Variants in CCDC191 observed in about 807,000 individuals in gnomAD.
CCDC191 encodes the protein coiled-coil domain-containing protein 191.
Under a neutral mutation model 114.0 loss-of-function variants are expected in CCDC191, and 99 were observed. The ratio of observed to expected loss-of-function variants is 0.87; its 90% CI spans 0.74 to 1.03. The LOEUF (loss-of-function observed/expected upper bound fraction) is 1.03, where lower values mean the gene tolerates loss of function less well. CCDC191 is among the 50% of genes least tolerant of loss of function. The pLI is 0.00. For missense variants in CCDC191, 973 were observed against 1,087.0 expected, an observed-to-expected ratio of 0.90 and a Z score of 1.47; for synonymous variants, 351 against 376.0, an observed-to-expected ratio of 0.93 and a Z score of 0.77.
chr3:113,972,867 G>T (rs776667930), intron 16 of CCDC191, among the ~76,000 whole-genome samples: 1 of 152,088 alleles, frequency 6.6e-6, no homozygotes, highest in Non-Finnish European at 1.5e-5. Flanking sequence ...TCTGATATAA[G>T]TATAGCTATT....
intron 7 of CCDC191, among the ~76,000 whole-genome samples, chr3:114,021,435 A>G (rs1344793316): frequency 6.6e-6 from 1 of 152,004 alleles, no homozygotes; most frequent in East Asian, 1.9e-4. Flanking sequence ...GCTCAAAAAA[A>G]CCAATCCCAT....
intron 14 of CCDC191, among the ~76,000 whole-genome samples, chr3:113,979,748 A>G (rs1268275048): frequency 6.6e-6 from 1 of 152,156 alleles, no homozygotes; most frequent in African/African-American, 2.4e-5. Context: ...ATTGGCCAAA[A>G]TGACCACCAC....
At chr3:114,010,704 C>CT in intron 9 of CCDC191, 68 bp downstream of exon 9, 1 of 1,479,540 alleles carries the variant, frequency 6.8e-7, no homozygotes, top group Non-Finnish European at 9.2e-7. Flanking sequence ...CTGACAATGA[C>CT]TGACATACCA....
intron 7 of CCDC191, among the ~76,000 whole-genome samples, chr3:114,019,072 T>C (rs2076207861): frequency 6.6e-6 from 1 of 152,158 alleles, no homozygotes; most frequent in African/African-American, 2.4e-5. Context: ...AATGAGGCAT[T>C]CTCAGCCTCA....
intron 7 of CCDC191, among the ~76,000 whole-genome samples, chr3:114,024,797 A>T (rs1559917990): frequency 6.6e-6 from 1 of 152,188 alleles, no homozygotes; most frequent in Non-Finnish European, 1.5e-5. Flanking sequence ...ACATATATAC[A>T]CAGGTAACAA....
rs1559898159 is a variant in CCDC191 at position 114,002,473 on chromosome 3, GT to G, written c.2043del (p.Lys681AsnfsTer10). The G allele has an allele frequency of 6.2e-7, 1 of 1,608,046 alleles. No individual in the cohort carries two copies. Among genetic ancestry groups the G allele is most frequent in the East Asian group, 2.2e-5 (1 of 44,514 alleles). ...CRRILAEKKK[K>X]QEEEKLAQLK... is the part of the protein sequence containing the mutation. ...TCTATTACCAATTTTTCTTCTTCTT[GT>G]TTTTTCTTCTTCTCTGCCAAGATCC... is the stretch of plus-strand genomic sequence containing the variant. On this transcript the variant is annotated frameshift_variant, in exon 12 of 17. Coordinates refer to ENST00000295878, the MANE Select transcript of CCDC191 (RefSeq NM_020817.2). LOFTEE classifies it high-confidence loss of function.
intron 6 of CCDC191, among the ~76,000 whole-genome samples, chr3:114,032,783 A>T (rs2076425464): frequency 6.6e-6 from 1 of 152,200 alleles, no homozygotes; most frequent in Non-Finnish European, 1.5e-5. Flanking sequence ...TTTCCCTTTG[A>T]AATTAATAAG....
chr3:113,994,862 G>A (rs1216181528), intron 13 of CCDC191, among the ~76,000 whole-genome samples: 1 of 152,070 alleles, frequency 6.6e-6, no homozygotes, highest in Non-Finnish European at 1.5e-5. Flanking sequence ...GATTACAGGT[G>A]TGAACACCTG....
chr3:113,985,017 T>C (rs1037430287), intron 13 of CCDC191, among the ~76,000 whole-genome samples: 2 of 152,108 alleles, frequency 1.3e-5, no homozygotes, highest in Non-Finnish European at 2.9e-5. Context: ...CTGGATACCA[T>C]ATGAGTAAGA....
chr3:113,999,357 G>A (rs191148504), intron 13 of CCDC191, among the ~76,000 whole-genome samples: 152 of 152,216 alleles, frequency 1.0e-3, no homozygotes, highest in Non-Finnish European at 1.7e-3. Context: ...CCACTGAATC[G>A]ATGGCAAAGA....
At chr3:114,021,262 T>C (rs1297998490) in intron 7 of CCDC191, among the ~76,000 whole-genome samples, 2 of 152,156 alleles carry the variant, frequency 1.3e-5, no homozygotes, top group African/African-American at 4.8e-5. Flanking sequence ...ATAGTCAATA[T>C]GTTTCTTTAA....
intron 8 of CCDC191, among the ~76,000 whole-genome samples, chr3:114,012,589 T>C (rs2076089348): frequency 6.6e-6 from 1 of 152,120 alleles, no homozygotes; most frequent in Non-Finnish European, 1.5e-5. Flanking sequence ...TAAAAATCAG[T>C]GTATAAATAG....
intron 9 of CCDC191, 66 bp downstream of exon 9, chr3:114,010,706 G>C: frequency 6.7e-7 from 1 of 1,485,836 alleles, no homozygotes; most frequent in Non-Finnish European, 9.1e-7. Context: ...GACAATGACT[G>C]ACATACCAGC....
chr3:114,034,824 T>C (rs1015527656), intron 6 of CCDC191, 101 bp downstream of exon 6: 3 of 915,836 alleles, frequency 3.3e-6, no homozygotes, highest in Non-Finnish European at 5.1e-6. Flanking sequence ...TTCTCTTCTA[T>C]GTTTTGTTAT....
intron 8 of CCDC191, among the ~76,000 whole-genome samples, chr3:114,013,365 C>T (rs970823184): frequency 6.6e-6 from 1 of 152,168 alleles, no homozygotes; most frequent in Non-Finnish European, 1.5e-5. Flanking sequence ...AAGGATAGTT[C>T]CACTACTGTT....
intron 2 of CCDC191, among the ~76,000 whole-genome samples, chr3:114,047,854 A>T (rs2076650691): frequency 6.6e-6 from 1 of 152,058 alleles, no homozygotes; most frequent in African/African-American, 2.4e-5. Flanking sequence ...ATGAGCCTGT[A>T]ATCTCAGCTA....
At chr3:114,025,160 G>A (rs867650420) in intron 7 of CCDC191, among the ~76,000 whole-genome samples, 2 of 151,534 alleles carry the variant, frequency 1.3e-5, no homozygotes, top group African/African-American at 2.4e-5. Flanking sequence ...ATGCTACCCC[G>A]GCTATAGACA....
rs1176622793 is a variant in CCDC191 at position 114,056,493 on chromosome 3, C to A, written c.-27G>T. On this transcript the variant is annotated 5_prime_UTR_variant, in exon 1 of 17. Coordinates refer to ENST00000295878, the MANE Select transcript of CCDC191 (RefSeq NM_020817.2). Reference sequence around the variant, plus strand: ...TTCCAAGTTCGAGCCCGAACCTCGGCCAAAGCTGCAGCAACCGCCCTTCTG... The same window carrying A: ...TTCCAAGTTCGAGCCCGAACCTCGGACAAAGCTGCAGCAACCGCCCTTCTG... 6.2e-7 allele frequency: 1 copy of A among 1,613,960 alleles called. No homozygotes were observed.
intron 13 of CCDC191, among the ~76,000 whole-genome samples, chr3:113,995,841 C>G (rs1191012440): frequency 6.6e-6 from 1 of 152,202 alleles, no homozygotes; most frequent in Non-Finnish European, 1.5e-5. Context: ...GATAGAATCT[C>G]ATTGTGGTTT....
Sources: allele counts gnomAD v4.1 joint callset (sites outside exome capture counted in the v4.1 genomes callset), GRCh38; gene constraint gnomAD v4.1.1; transcripts MANE v1.5; gene names NCBI Gene and HGNC (gene_info 2026-07-23, HGNC 2026-07-21).